HSDL2: variants seen among roughly 807,000 people sequenced by gnomAD.
HSDL2 encodes the protein hydroxysteroid dehydrogenase like 2, also known as hydroxysteroid dehydrogenase-like protein 2.
HSDL2 carries 27 observed loss-of-function variants against 46.3 expected under a neutral mutation model. The ratio of observed to expected loss-of-function variants is 0.58; its 90% CI spans 0.43 to 0.80. The LOEUF is 0.80. Among genes scored for constraint, HSDL2 ranks in the 30% least tolerant of loss-of-function variants. The pLI, the probability that HSDL2 is intolerant of heterozygous loss-of-function variation, is 0.00. For missense variants in HSDL2, 451 were observed against 502.7 expected, an observed-to-expected ratio of 0.90 and a Z score of 0.98; for synonymous variants, 153 against 163.6, an observed-to-expected ratio of 0.94 and a Z score of 0.50.
At chr9:112,431,513 C>T (rs531415800) in intron 6 of HSDL2, among the ~76,000 whole-genome samples, 13 of 152,212 alleles carry the variant, frequency 8.5e-5, no homozygotes, top group Admixed American at 2.6e-4. Flanking sequence ...GATGTTGTCT[C>T]CACCCAAATC....
intron 6 of HSDL2, among the ~76,000 whole-genome samples, chr9:112,429,486 C>G (rs1024541452): frequency 2.0e-4 from 30 of 152,230 alleles, no homozygotes; most frequent in Admixed American, 1.4e-3. Flanking sequence ...CCTGGGGTAA[C>G]AAAGTCAGAA....
intron 1 of HSDL2, among the ~76,000 whole-genome samples, chr9:112,385,921 C>T (rs1057304793): frequency 6.6e-5 from 10 of 151,596 alleles, no homozygotes; most frequent in South Asian, 2.1e-4. Context: ...GCACCATGCC[C>T]GGCCAATTTT....
chr9:112,448,799 C>A (rs1211995022), intron 8 of HSDL2, among the ~76,000 whole-genome samples: 1 of 152,070 alleles, frequency 6.6e-6, no homozygotes, highest in Non-Finnish European at 1.5e-5. Context: ...TCATGATCCA[C>A]CCGCCTTGGC....
At chr9:112,380,891 G>A (rs1296699104) in intron 1 of HSDL2, among the ~76,000 whole-genome samples, 1 of 152,172 alleles carries the variant, frequency 6.6e-6, no homozygotes, top group African/African-American at 2.4e-5. Context: ...TTTATGTAAG[G>A]TCTGGGTATC....
intron 1 of HSDL2, among the ~76,000 whole-genome samples, chr9:112,398,430 T>G (rs1285998359): frequency 6.6e-6 from 1 of 151,774 alleles, no homozygotes. Flanking sequence ...CCAAGTCGGG[T>G]CCGTGGGAGC....
chr9:112,407,443 G>T (rs1247368241), intron 3 of HSDL2, among the ~76,000 whole-genome samples: 1 of 151,910 alleles, frequency 6.6e-6, no homozygotes, highest in African/African-American at 2.4e-5. Flanking sequence ...TTGAAACAGG[G>T]TCTCACTCTG....
At chr9:112,410,021 TAAA>T (rs547383495) in intron 4 of HSDL2, among the ~76,000 whole-genome samples, 3 of 144,792 alleles carry the variant, frequency 2.1e-5, no homozygotes, top group Non-Finnish European at 1.5e-5. Context: ...GACCTGGCGT[TAAA>T]AAAAAAAAAA....
In HSDL2 at chr9:112,404,104, A is replaced by G; in HGVS notation, c.127A>G (p.Thr43Ala). The G allele has an allele frequency of 6.2e-7, 1 of 1,614,154 alleles. No homozygotes were observed. Residue 43 changes from threonine to alanine, a missense_variant, in exon 2 of 11, where the codon ACC becomes GCC. By Grantham distance (58) the Thr-to-Ala change is moderately conservative (BLOSUM62 0). Coordinates refer to ENST00000398805, the MANE Select transcript of HSDL2 (RefSeq NM_032303.5). The part of the protein sequence containing the change: ...DGANIVIAAK[T>A]AQPHPKLLGT... ...AGCAAATATTGTTATTGCTGCAAAG[A>G]CCGCCCAGCCACATCCAAAACTTCT...
chr9:112,381,088 T>C (rs374742722), intron 1 of HSDL2, among the ~76,000 whole-genome samples: 3 of 134,250 alleles, frequency 2.2e-5, no homozygotes, highest in African/African-American at 5.7e-5. Context: ...TACATCCGGA[T>C]ACACACACAC....
intron 9 of HSDL2, among the ~76,000 whole-genome samples, chr9:112,458,112 T>C (rs1316641410): frequency 2.6e-5 from 4 of 152,082 alleles, no homozygotes; most frequent in Non-Finnish European, 4.4e-5. Flanking sequence ...TGTTTTTTTT[T>C]TTCAGTTCCT....
chr9:112,441,590 T>G, intron 7 of HSDL2, 109 bp from the exon 8 acceptor site: 3 of 686,874 alleles, frequency 4.4e-6, no homozygotes, highest in Non-Finnish European at 7.4e-6. Flanking sequence ...AGGCCTTTTC[T>G]TTTGCACCAG....
rs182332079 is a variant in HSDL2 at position 112,471,319 on chromosome 9, T to C, written c.*775T>C. 5.3e-5 allele frequency: 8 copies of C among 152,314 alleles called. No individual in the cohort carries two copies. The highest frequency in any genetic ancestry group is 1.7e-4 in the African/African-American group (7 of 41,558). The allele number at this position is 152,314 out of a possible 1,614,324, so 9.4% of individuals were successfully genotyped here. ...GGTCCTAACTCCCATTTCTTTTGAA[T>C]GTGACTGTTCGGAGATGAGGCCTTT... On this transcript the variant is annotated 3_prime_UTR_variant, in exon 11 of 11. Transcript: ENST00000398805.
At chr9:112,466,764 G>A (rs1833402944) in intron 10 of HSDL2, among the ~76,000 whole-genome samples, 1 of 151,974 alleles carries the variant, frequency 6.6e-6, no homozygotes, top group Admixed American at 6.6e-5. Context: ...ATCAAGGTTA[G>A]GAAGCTTTAT....
At chr9:112,440,962 C>T (rs1285265768) in intron 7 of HSDL2, among the ~76,000 whole-genome samples, 10 of 152,088 alleles carry the variant, frequency 6.6e-5, no homozygotes, top group African/African-American at 2.4e-4. Flanking sequence ...GAGCTGAGAT[C>T]GTGCCACTGC....
At position 112,472,119 on chromosome 9, in the gene HSDL2, A is replaced by T. The variant is rs1833590983; in HGVS notation, c.*1575A>T. On this transcript the variant is annotated 3_prime_UTR_variant, in exon 11 of 11. Transcript: ENST00000398805. ...GTGAACTTAAAAATAGGACAGTTTC[A>T]ACAAGTCAGGAGATTCACAGCAACT... 2 of 152,250 alleles carry T rather than the reference A, an allele frequency of 1.3e-5. No individual in the cohort carries two copies. Among genetic ancestry groups the T allele is most frequent in the Admixed American group, 1.3e-4 (2 of 15,282 alleles). 9.4% of individuals were successfully genotyped at this position (152,250 alleles called of 1,614,324 possible).
chr9:112,387,678 T>C (rs1831246958), intron 1 of HSDL2, among the ~76,000 whole-genome samples: 2 of 152,174 alleles, frequency 1.3e-5, no homozygotes, highest in South Asian at 2.1e-4. Context: ...AGGGAAGGAA[T>C]AGTAACTGTG....
chr9:112,402,599 G>C (rs1831630296), intron 1 of HSDL2, among the ~76,000 whole-genome samples: 1 of 150,284 alleles, frequency 6.7e-6, no homozygotes, highest in African/African-American at 2.4e-5. Context: ...TGAGTAAGAT[G>C]GTGAGACCCC....
chr9:112,430,611 C>T (rs1476022432), intron 6 of HSDL2, among the ~76,000 whole-genome samples: 1 of 152,098 alleles, frequency 6.6e-6, no homozygotes, highest in African/African-American at 2.4e-5. Flanking sequence ...AACTGAGGCA[C>T]AGATTTTGGT....
intron 6 of HSDL2, among the ~76,000 whole-genome samples, chr9:112,423,894 A>C (rs1832186698): frequency 6.6e-6 from 1 of 150,826 alleles, no homozygotes; most frequent in African/African-American, 2.4e-5. Context: ...TTATATTTTT[A>C]GTAGAGACAG....
Sources: gnomAD v4.1 joint callset for allele counts (sites outside exome capture counted in the v4.1 genomes callset) on GRCh38, gnomAD v4.1.1 for gene constraint, MANE v1.5 for transcripts, NCBI Gene and HGNC (gene_info 2026-07-23, HGNC 2026-07-21) for gene names.